Variants in MCTP1 observed in about 807,000 individuals in gnomAD.
MCTP1 encodes multiple C2 and transmembrane domain containing 1, also known as multiple C2 and transmembrane domain-containing protein 1.
Under a neutral mutation model 120.6 loss-of-function variants are expected in MCTP1, and 69 were observed. The observed-to-expected ratio is 0.57, with a 90% CI of 0.47 to 0.70. The LOEUF (loss-of-function observed/expected upper bound fraction) is 0.70, where lower values mean the gene tolerates loss of function less well. MCTP1 is among the 30% of genes least tolerant of loss of function. The pLI, the probability that MCTP1 is intolerant of heterozygous loss-of-function variation, is 0.00. For synonymous variants in MCTP1, 529 were observed against 493.1 expected, an observed-to-expected ratio of 1.07 and a Z score of -0.96; for missense variants, 1,203 against 1,248.8, an observed-to-expected ratio of 0.96 and a Z score of 0.55.
At chr5:95,010,965 T>C (rs1389216589) in intron 2 of MCTP1, among the ~76,000 whole-genome samples, 1 of 152,142 alleles carries the variant, frequency 6.6e-6, no homozygotes, top group African/African-American at 2.4e-5. Context: ...TTTCTCATGA[T>C]TACATTGAGG....
chr5:95,029,433 T>A (rs1023964783), intron 1 of MCTP1, among the ~76,000 whole-genome samples: 1 of 152,186 alleles, frequency 6.6e-6, no homozygotes, highest in Non-Finnish European at 1.5e-5. Context: ...CCAGAGACAT[T>A]GGATGCTAGT....
intron 8 of MCTP1, among the ~76,000 whole-genome samples, chr5:94,915,498 A>G (rs150731652): frequency 7.9e-5 from 12 of 152,300 alleles, no homozygotes; most frequent in Non-Finnish European, 1.8e-4. Flanking sequence ...TGAAGAATAT[A>G]CTTAATGCCA....
Position 95,213,724 on chromosome 5 carries a change from T to A in MCTP1, c.720+70132A>T, listed in dbSNP as rs1752684957. On this transcript the variant is annotated intron_variant, in intron 1 of 22. Transcript: ENST00000515393. ...AAATAATGCCACATATCTACAACTATCTGATCTTTGACAAACCTGAGAAAA... is the reference window on the plus strand; with the variant it reads ...AAATAATGCCACATATCTACAACTAACTGATCTTTGACAAACCTGAGAAAA... 3.9e-5 allele frequency among the ~76,000 whole-genome samples: 6 copies of A among 152,108 alleles called. No homozygotes were observed. In the South Asian group the frequency reaches 1.2e-3, roughly 32 times the overall value.
intron 18 of MCTP1, among the ~76,000 whole-genome samples, chr5:94,780,538 A>C (rs1415659963): frequency 6.6e-6 from 1 of 152,184 alleles, no homozygotes; most frequent in Non-Finnish European, 1.5e-5. Flanking sequence ...CTTCTGTTAA[A>C]TGGTAGAATT....
At chr5:94,965,141 G>A (rs577589512) in intron 2 of MCTP1, among the ~76,000 whole-genome samples, 94 of 152,192 alleles carry the variant, frequency 6.2e-4, no homozygotes, top group Admixed American at 1.5e-3. Context: ...AGGTTTAGGC[G>A]ATGAACTTGC....
At position 94,943,782 on chromosome 5, in the gene MCTP1, T is replaced by C. The variant is rs367652012; in HGVS notation, c.982-1355A>G. On this transcript the variant is annotated intron_variant, in intron 3 of 22. Coordinates refer to ENST00000515393, the MANE Select transcript of MCTP1 (RefSeq NM_024717.7). The stretch of plus-strand genomic sequence containing the variant: ...GGAAGATCAGGGAAACCGTTTACGA[T>C]GGAAAAAAAAAACGCTACCAGATGA... 3.0e-3 allele frequency among the ~76,000 whole-genome samples: 445 copies of C among 150,620 alleles called. 3 individuals carry two copies. Among genetic ancestry groups the C allele is most frequent in the African/African-American group, 0.011 (428 of 40,556 alleles).
At chr5:95,122,309 T>A (rs1348604037) in intron 1 of MCTP1, among the ~76,000 whole-genome samples, 1 of 152,064 alleles carries the variant, frequency 6.6e-6, no homozygotes. Flanking sequence ...AGGAAAAGAA[T>A]CTTATGATCT....
At chr5:95,199,265 A>C (rs922840946) in intron 1 of MCTP1, among the ~76,000 whole-genome samples, 7 of 152,258 alleles carry the variant, frequency 4.6e-5, no homozygotes, top group African/African-American at 1.7e-4. Context: ...AATGCAATCC[A>C]AAAACTCTAC....
At chr5:95,271,670 CACTT>C (rs1395586284) in intron 1 of MCTP1, among the ~76,000 whole-genome samples, 1 of 151,948 alleles carries the variant, frequency 6.6e-6, no homozygotes, top group Non-Finnish European at 1.5e-5. Flanking sequence ...GTATGATACA[CACTT>C]ACAGGAGAAT....
chr5:94,849,605 G>A (rs569340459), intron 17 of MCTP1, among the ~76,000 whole-genome samples: 4 of 152,140 alleles, frequency 2.6e-5, no homozygotes, highest in African/African-American at 7.2e-5. Context: ...GTAGGTACAC[G>A]GTCGATGGGG....
intron 1 of MCTP1, among the ~76,000 whole-genome samples, chr5:95,214,942 C>A (rs146493113): frequency 0.021 from 3,224 of 152,002 alleles, 73 homozygotes; most frequent in Middle Eastern, 0.048. Flanking sequence ...TGCAGCACAC[C>A]AACATGGCAC....
rs761570458 is a variant in MCTP1, at chr5:94,714,768, G to A, written c.2720+9C>T. ...AGAAGAATGGGGCTCACAGGTCACCGTCACTCACTTCTTTATCCTTTCGCC... is the reference window on the plus strand; with the variant it reads ...AGAAGAATGGGGCTCACAGGTCACCATCACTCACTTCTTTATCCTTTCGCC... On this transcript the variant is annotated intron_variant, in intron 20 of 22. Coordinates refer to ENST00000515393, the MANE Select transcript of MCTP1 (RefSeq NM_024717.7). 1.1e-4 allele frequency: 163 copies of A among 1,491,360 alleles called. 1 individual carries two copies. Among genetic ancestry groups the A allele is most frequent in the African/African-American group, 2.6e-4 (19 of 72,968 alleles). 92.4% of individuals were successfully genotyped at this position (1,491,360 alleles called of 1,614,324 possible). A position where few individuals can be genotyped will look rare whatever the true frequency, so the allele number is the denominator to read the frequency against.
intron 2 of MCTP1, among the ~76,000 whole-genome samples, chr5:94,975,205 A>G (rs1827835310): frequency 6.6e-6 from 1 of 152,038 alleles, no homozygotes; most frequent in African/African-American, 2.4e-5. Context: ...GGGGCACAGC[A>G]TGTGTTATGG....
intron 1 of MCTP1, among the ~76,000 whole-genome samples, chr5:95,187,445 G>A (rs971623351): frequency 1.3e-5 from 2 of 152,156 alleles, no homozygotes; most frequent in Non-Finnish European, 2.9e-5. Flanking sequence ...TGTTGCCCAG[G>A]ATGGAGTGCG....
chr5:94,914,103 G>T lies in MCTP1; in HGVS notation c.1351-1127C>A, dbSNP rs188867043. On this transcript the variant is annotated intron_variant, in intron 8 of 22. Coordinates refer to ENST00000515393, the MANE Select transcript of MCTP1 (RefSeq NM_024717.7). ...CCACATAATCTCTTTAAACTAAAAA[G>T]GACATAAAACAAGCCATAGAAAGTA... Among the ~76,000 whole-genome samples, 172 of 152,238 alleles carry T rather than the reference G, an allele frequency of 1.1e-3. 1 individual carries two copies. Among genetic ancestry groups the T allele is most frequent in the Admixed American group, 7.9e-3 (121 of 15,290 alleles).
intron 1 of MCTP1, among the ~76,000 whole-genome samples, chr5:95,044,153 T>C (rs1020144532): frequency 8.5e-5 from 13 of 152,176 alleles, no homozygotes; most frequent in African/African-American, 2.9e-4. Flanking sequence ...AGGGTGTATG[T>C]CATGGAATGA....
chr5:95,120,324 G>T, intron 1 of MCTP1, among the ~76,000 whole-genome samples: 1 of 151,844 alleles, frequency 6.6e-6, no homozygotes, highest in East Asian at 1.9e-4. Flanking sequence ...TACTTCCAAA[G>T]TCATTATGCA....
chr5:95,015,759 T>C (rs1168546994), intron 2 of MCTP1, among the ~76,000 whole-genome samples: 2 of 152,128 alleles, frequency 1.3e-5, no homozygotes, highest in Non-Finnish European at 2.9e-5. Context: ...AGATATGCCA[T>C]AGTTTATTCA....
intron 19 of MCTP1, among the ~76,000 whole-genome samples, chr5:94,738,763 A>G (rs757599119): frequency 6.6e-6 from 1 of 152,172 alleles, no homozygotes; most frequent in Non-Finnish European, 1.5e-5. Context: ...TGTAATGTGA[A>G]AAACACCTTG....
Sources: gnomAD v4.1 joint callset for allele counts (sites outside exome capture counted in the v4.1 genomes callset) on GRCh38, gnomAD v4.1.1 for gene constraint, MANE v1.5 for transcripts, NCBI Gene and HGNC (gene_info 2026-07-23, HGNC 2026-07-21) for gene names.